The following CD9 variants were observed in gnomAD, a reference collection of about 807,000 sequenced individuals.
CD9 encodes the protein CD9 molecule.
CD9 carries 10 observed loss-of-function variants against 31.4 expected under a neutral mutation model. The ratio of observed to expected loss-of-function variants is 0.32; its 90% CI spans 0.20 to 0.54. CD9 has a LOEUF of 0.54. CD9 is among the 20% of genes least tolerant of loss of function. The pLI is 0.94. For missense variants in CD9, 259 were observed against 300.1 expected (o/e 0.86, Z 1.01); for synonymous variants, 113 against 114.1 (o/e 0.99, Z 0.06).
chr12:6,200,308 G>T (rs1946059902), upstream of CD9: 1 of 350,026 alleles, frequency 2.9e-6, no homozygotes, highest in Non-Finnish European at 5.2e-6. Context: ...CGGGGGGAGT[G>T]GGGGCGGCTT....
intron 7 of CD9, 131 bp downstream of exon 7, chr12:6,236,406 A>C: frequency 1.3e-6 from 1 of 745,910 alleles, no homozygotes; most frequent in South Asian, 1.7e-5. Flanking sequence ...TAGTATTTCC[A>C]TTTTACCACT....
intron 1 of CD9, among the ~76,000 whole-genome samples, chr12:6,206,262 C>G (rs999995993): frequency 6.6e-6 from 1 of 151,522 alleles, no homozygotes; most frequent in African/African-American, 2.4e-5. Context: ...GTCACCCAGG[C>G]TGGAGTGCAG....
rs1458181147 is a variant in CD9, at chr12:6,237,912, T to G, written c.*84T>G. ...TTTGTTTGTTTTGTTTTGTTTGTTG[T>G]TTGTTGTTTGTTTTTTTGCCACTAA... On this transcript the variant is annotated 3_prime_UTR_variant, in exon 8 of 8. Transcript: ENST00000009180. 8 of 1,069,216 alleles carry G rather than the reference T, an allele frequency of 7.5e-6. No individual in the cohort carries two copies. Among genetic ancestry groups the G allele is most frequent in the African/African-American group, 3.1e-5 (2 of 64,200 alleles). 66.2% of individuals were successfully genotyped at this position (1,069,216 alleles called of 1,614,324 possible).
intron 2 of CD9, among the ~76,000 whole-genome samples, chr12:6,226,571 C>T (rs1946369280): frequency 6.6e-6 from 1 of 152,210 alleles, no homozygotes; most frequent in African/African-American, 2.4e-5. Context: ...TTTCCCACCT[C>T]TTGAACTGGG....
intron 4 of CD9, among the ~76,000 whole-genome samples, chr12:6,234,005 G>T (rs769864005): frequency 6.0e-5 from 9 of 149,060 alleles, no homozygotes; most frequent in South Asian, 2.2e-4. Flanking sequence ...ATTGATAAGG[G>T]TCATAGAGGT....
At chr12:6,235,624 A>G in intron 6 of CD9, 59 bp downstream of exon 6, 1 of 1,532,716 alleles carries the variant, frequency 6.5e-7, no homozygotes, top group Non-Finnish European at 8.8e-7. Flanking sequence ...AAACCCTGCA[A>G]GCATGAAAGT....
At chr12:6,213,929 C>T (rs1946217351) in intron 1 of CD9, among the ~76,000 whole-genome samples, 1 of 152,234 alleles carries the variant, frequency 6.6e-6, no homozygotes, top group Non-Finnish European at 1.5e-5. Context: ...GAAACCCTGT[C>T]ACCAGGTTAA....
intron 1 of CD9, among the ~76,000 whole-genome samples, chr12:6,220,323 A>G (rs1015488661): frequency 4.6e-5 from 7 of 152,156 alleles, no homozygotes; most frequent in South Asian, 4.1e-4. Flanking sequence ...AGGAGCAGAC[A>G]AGGAGGAGGC....
chr12:6,222,169 A>T (rs981054143), intron 1 of CD9, among the ~76,000 whole-genome samples: 2 of 152,196 alleles, frequency 1.3e-5, no homozygotes, highest in Non-Finnish European at 2.9e-5. Context: ...TGACCCTGTG[A>T]CCCCAAGCCA....
intron 1 of CD9, chr12:6,200,772 G>T: frequency 2.2e-6 from 1 of 462,086 alleles, no homozygotes. Context: ...GCATTCGGGT[G>T]GGGGCTCATC....
At chr12:6,215,781 T>A (rs1326153067) in intron 1 of CD9, among the ~76,000 whole-genome samples, 1 of 152,258 alleles carries the variant, frequency 6.6e-6, no homozygotes, top group Non-Finnish European at 1.5e-5. Context: ...GTTAGTAATA[T>A]GCCCTGTTGT....
At chr12:6,201,678 G>GT (rs1167105056) in intron 1 of CD9, among the ~76,000 whole-genome samples, 1 of 152,260 alleles carries the variant, frequency 6.6e-6, no homozygotes, top group Non-Finnish European at 1.5e-5. Context: ...CAGGAAGAGA[G>GT]TCTCTATGCC....
rs1368744639 is a variant in CD9, at chr12:6,232,609, G to A, written c.176-23G>A. 1 of 1,483,548 alleles carries A rather than the reference G, an allele frequency of 6.7e-7. No homozygotes were observed. 91.9% of individuals were successfully genotyped at this position (1,483,548 alleles called of 1,614,324 possible). A position where few individuals can be genotyped will look rare whatever the true frequency, so the allele number is the denominator to read the frequency against. ...TCTGAACTGATGTCTCCACGCGTGT[G>A]TGCTTCCTCTGTCCTCCCGCAGGAG... On this transcript the variant is annotated intron_variant, in intron 2 of 7. Coordinates refer to ENST00000009180, the MANE Select transcript of CD9 (RefSeq NM_001769.4). The surrounding 1 kb of genome is among the most constrained non-coding windows in gnomAD (Gnocchi z 4.8).
chr12:6,236,250 T>C lies in CD9; in HGVS notation c.596T>C (p.Val199Ala). 1 of 1,614,200 alleles carries C rather than the reference T, an allele frequency of 6.2e-7. No homozygotes were observed. Among genetic ancestry groups the C allele is most frequent in the Non-Finnish European group, 8.5e-7 (1 of 1,180,030 alleles). ...FDNKFHIIGA[V>A]GIGIAVVMIF... is the part of the protein sequence containing the mutation. ...AATAAATTCCACATCATCGGCGCAG[T>C]GGGCATCGGCATTGCCGTGGTCATG... Residue 199 changes from valine to alanine, a missense_variant, in exon 7 of 8, where the codon GTG becomes GCG. Physicochemically the swap from Val to Ala is moderately conservative, Grantham distance 64. Coordinates refer to ENST00000009180, the MANE Select transcript of CD9 (RefSeq NM_001769.4).
At chr12:6,218,344 A>G (rs1454028783) in intron 1 of CD9, among the ~76,000 whole-genome samples, 1 of 152,170 alleles carries the variant, frequency 6.6e-6, no homozygotes, top group Admixed American at 6.5e-5. Context: ...TTTTCTTTGC[A>G]GTAGGATTTG....
Position 6,209,497 on chromosome 12 carries a change from A to C in CD9, c.66+8932A>C, listed in dbSNP as rs80104848. Among the ~76,000 whole-genome samples the C allele has an allele frequency of 2.2e-3, 333 of 152,202 alleles. 7 individuals are homozygous for C. The South Asian group carries it at 0.033, about 15-fold the overall frequency. ...CTGCTCTCCATGGTGCAATGTAAAC[A>C]TCTTCTTTCTCACAATGTGGGACTG... On this transcript the variant is annotated intron_variant, in intron 1 of 7. Transcript: ENST00000009180.
chr12:6,223,049 C>T (rs1178723494), intron 1 of CD9, among the ~76,000 whole-genome samples: 1 of 152,204 alleles, frequency 6.6e-6, no homozygotes, highest in South Asian at 2.1e-4. Context: ...TCTCCCTATG[C>T]GCGCAAGAGC....
intron 2 of CD9, among the ~76,000 whole-genome samples, chr12:6,226,941 T>C (rs920142689): frequency 3.3e-5 from 5 of 152,164 alleles, no homozygotes; most frequent in Admixed American, 2.6e-4. Flanking sequence ...AGCCCTGTGC[T>C]GGGGGAGCAG....
chr12:6,227,031 G>C (rs1946376444), intron 2 of CD9, among the ~76,000 whole-genome samples: 2 of 152,162 alleles, frequency 1.3e-5, no homozygotes, highest in African/African-American at 4.8e-5. Flanking sequence ...TCTCCAAAGA[G>C]AGACTCAGTC....
Sources: allele counts gnomAD v4.1 joint callset (sites outside exome capture counted in the v4.1 genomes callset), GRCh38; gene constraint gnomAD v4.1.1; non-coding constraint Gnocchi (gnomAD v3.1); transcripts MANE v1.5; gene names NCBI Gene and HGNC (gene_info 2026-07-23, HGNC 2026-07-21).